TNIK: variants seen among roughly 807,000 people sequenced by gnomAD.
TNIK encodes the protein TRAF2 and NCK-interacting protein kinase.
A neutral mutation model predicts 191.3 loss-of-function variants in TNIK; 49 were observed. The observed-to-expected ratio is 0.26, with a 90% CI of 0.20 to 0.32. TNIK has a LOEUF of 0.32. Among genes scored for constraint, TNIK ranks in the 10% least tolerant of loss-of-function variants. The probability of loss-of-function intolerance (pLI) is 1.00; values close to 1 mark genes in which losing one functional copy is unlikely to be tolerated. For missense variants in TNIK, 1,155 were observed against 1,702.3 expected, an observed-to-expected ratio of 0.68 and a Z score of 5.66; for synonymous variants, 594 against 600.9, an observed-to-expected ratio of 0.99 and a Z score of 0.17.
Position 171,157,543 on chromosome 3 carries a change from T to C in TNIK, c.1138A>G (p.Asn380Asp). ...RQQLEQQQRE[N>D]EEHKRQLLAE... ...AGCAGCTGCCGCTTGTGCTCCTCAT[T>C]CTCCCGCTGCTGCTGCTCCAGCTGC... The change falls in exon 12 of 33, where the codon AAT (asparagine) becomes GAT (aspartate). Residue 380 changes from asparagine (N) to aspartate (D), a missense_variant. Around this residue, in one of 3 missense-constraint regions of TNIK, gnomAD observed 735 missense variants for 848.0 expected, o/e 0.87. Coordinates refer to ENST00000436636, the MANE Select transcript of TNIK (RefSeq NM_015028.4). 6.4e-7 allele frequency: 1 copy of C among 1,566,504 alleles called. No homozygotes were observed. Among genetic ancestry groups the C allele is most frequent in the South Asian group, 1.2e-5 (1 of 84,722 alleles).
At chr3:171,369,429 C>T (rs924497325) in intron 2 of TNIK, among the ~76,000 whole-genome samples, 191 bp downstream of exon 2, 3 of 152,054 alleles carry the variant, frequency 2.0e-5, no homozygotes, top group Admixed American at 1.3e-4. Context: ...AGGGAAATAC[C>T]CAAATCACAG....
At chr3:171,445,872 T>C (rs757139081) in intron 1 of TNIK, among the ~76,000 whole-genome samples, 4 of 152,222 alleles carry the variant, frequency 2.6e-5, no homozygotes, top group Non-Finnish European at 5.9e-5. Context: ...CACTTACTAA[T>C]GGCAGTTTCA....
intron 4 of TNIK, among the ~76,000 whole-genome samples, chr3:171,208,774 G>A (rs1200105403): frequency 6.6e-6 from 1 of 152,044 alleles, no homozygotes; most frequent in African/African-American, 2.4e-5. Flanking sequence ...TGGTCAGGCT[G>A]GTCTCAAACT....
rs948418045 is a variant in TNIK, at chr3:171,327,656, C to T, written c.123+41964G>A. ...AGCTCTGGAGTCTGCAGGAGAAAGC[C>T]ACAGACCACAAAATATTAAACCACT... On this transcript the variant is annotated intron_variant, in intron 2 of 32. Coordinates refer to ENST00000436636, the MANE Select transcript of TNIK (RefSeq NM_015028.4). Among the ~76,000 whole-genome samples, 32 of 151,956 alleles carry T rather than the reference C, an allele frequency of 2.1e-4. 1 individual carries two copies. The highest frequency in any genetic ancestry group is 7.7e-4 in the African/African-American group (32 of 41,366).
intron 9 of TNIK, among the ~76,000 whole-genome samples, chr3:171,174,424 C>T (rs114705047): frequency 5.9e-5 from 9 of 152,092 alleles, no homozygotes; most frequent in Non-Finnish European, 1.0e-4. Flanking sequence ...ATGAGTAATC[C>T]GAGATTCAAG....
intron 7 of TNIK, among the ~76,000 whole-genome samples, chr3:171,187,508 T>A (rs778049836): frequency 3.0e-4 from 46 of 152,280 alleles, no homozygotes; most frequent in Non-Finnish European, 5.3e-4. Context: ...AATGTTTGCA[T>A]CTTTGAGACC....
chr3:171,252,063 CGT>C (rs146267125), intron 2 of TNIK, among the ~76,000 whole-genome samples: 38 of 131,238 alleles, frequency 2.9e-4, no homozygotes, highest in Admixed American at 1.1e-3. Flanking sequence ...ATCTGGTATG[CGT>C]GTGTGTGTGT....
At chr3:171,115,560 G>A (rs1726558621) in intron 18 of TNIK, among the ~76,000 whole-genome samples, 1 of 152,238 alleles carries the variant, frequency 6.6e-6, no homozygotes, top group African/African-American at 2.4e-5. Context: ...ACTTGACTGG[G>A]TGTTGTAGCA....
In TNIK at chr3:171,158,613, G is replaced by A. The variant is rs116677025; in HGVS notation, c.1017-949C>T. On this transcript the variant is annotated intron_variant, in intron 11 of 32. Transcript: ENST00000436636. ...ATAAATCTATTAAACACATATTTAC[G>A]GAGCACCTGCTATGTGGCAGTCACT... Among the ~76,000 whole-genome samples, 1,007 of 152,230 alleles carry A rather than the reference G, an allele frequency of 6.6e-3. 9 individuals are homozygous for A. Among genetic ancestry groups the A allele is most frequent in the African/African-American group, 0.023 (967 of 41,554 alleles).
chr3:171,208,793 C>T (rs1253442127), intron 4 of TNIK, among the ~76,000 whole-genome samples: 2 of 152,132 alleles, frequency 1.3e-5, no homozygotes, highest in African/African-American at 4.8e-5. Flanking sequence ...CTCCTGACCT[C>T]AAGTGATCCA....
intron 21 of TNIK, chr3:171,106,885 TTGGAAGATAC>T: frequency 2.0e-6 from 1 of 507,578 alleles, no homozygotes; most frequent in Non-Finnish European, 3.8e-6. Context: ...AGGTTTGCTA[TTGGAAGATAC>T]TGGAAGGAGA....
intron 2 of TNIK, among the ~76,000 whole-genome samples, chr3:171,279,630 C>A (rs1005229084): frequency 6.6e-5 from 10 of 152,186 alleles, no homozygotes; most frequent in Admixed American, 5.9e-4. Context: ...GGGCTTTGAG[C>A]TGCTCTATCC....
At chr3:171,110,955 A>G (rs1725765469) in intron 18 of TNIK, 78 bp from the exon 19 acceptor site, 1 of 1,366,200 alleles carries the variant, frequency 7.3e-7, no homozygotes, top group Non-Finnish European at 9.6e-7. Flanking sequence ...GATAAGGTTT[A>G]ATACCCAAAA....
chr3:171,068,722 A>G, intron 30 of TNIK, 126 bp downstream of exon 30: 1 of 914,126 alleles, frequency 1.1e-6, no homozygotes, highest in South Asian at 4.1e-5. Flanking sequence ...CTTAATGAAG[A>G]ACGAAAGTCC....
In TNIK at chr3:171,366,885, T is replaced by C. The variant is rs1439094646; in HGVS notation, c.123+2735A>G. Among the ~76,000 whole-genome samples, 1 of 152,178 alleles carries C rather than the reference T, an allele frequency of 6.6e-6. No homozygotes were observed. The highest frequency in any genetic ancestry group is 1.5e-5 in the Non-Finnish European group (1 of 68,028). Reference sequence around the variant, plus strand: ...GTGAGTTAGTTCTCATGAGATCTGATGGTTTTATAAGAGGCTTCCCCCTTT... The same window carrying C: ...GTGAGTTAGTTCTCATGAGATCTGACGGTTTTATAAGAGGCTTCCCCCTTT... On this transcript the variant is annotated intron_variant, in intron 2 of 32. Coordinates refer to ENST00000436636, the MANE Select transcript of TNIK (RefSeq NM_015028.4). The surrounding 1 kb of genome is among the most constrained non-coding windows in gnomAD (Gnocchi z 4.1).
chr3:171,225,653 C>T (rs556845346), intron 3 of TNIK: 120 of 455,638 alleles, frequency 2.6e-4, no homozygotes, highest in Non-Finnish European at 4.9e-4. Flanking sequence ...GCTGAAAATA[C>T]ATGTTCTGGG....
At chr3:171,387,880 G>T (rs1271746894) in intron 1 of TNIK, among the ~76,000 whole-genome samples, 1 of 151,170 alleles carries the variant, frequency 6.6e-6, no homozygotes, top group African/African-American at 2.4e-5. Context: ...GTTCTCAGGA[G>T]AAATTTGCAG....
chr3:171,348,938 C>T (rs961345141), intron 2 of TNIK, among the ~76,000 whole-genome samples: 3 of 151,210 alleles, frequency 2.0e-5, no homozygotes, highest in Non-Finnish European at 2.9e-5. Context: ...ACGGTAGCAA[C>T]GAATTTTCTT....
chr3:171,298,913 G>A (rs1243059178), intron 2 of TNIK, among the ~76,000 whole-genome samples: 1 of 152,098 alleles, frequency 6.6e-6, no homozygotes. Context: ...AGATGAGAAG[G>A]GCAATATGCA....
Sources: gnomAD v4.1 joint callset for allele counts (sites outside exome capture counted in the v4.1 genomes callset) on GRCh38, gnomAD v4.1.1 for gene constraint, gnomAD v4.1.1 regional missense constraint, Gnocchi (gnomAD v3.1) non-coding constraint, MANE v1.5 for transcripts, NCBI Gene and HGNC (gene_info 2026-07-23, HGNC 2026-07-21) for gene names.